Variants in SLC25A40 observed in about 807,000 individuals in gnomAD.
SLC25A40 encodes the protein solute carrier family 25 member 40, also known as mitochondrial glutathione transporter SLC25A40.
In SLC25A40, 41 loss-of-function variants were observed where a neutral mutation model predicts 46.5. That is an observed-to-expected ratio of 0.88 (90% CI 0.69 to 1.14). SLC25A40 has a LOEUF of 1.14. Among genes scored for constraint, SLC25A40 ranks in the 50% most tolerant of loss-of-function variants. The probability of loss-of-function intolerance (pLI) is 0.00; values close to 1 mark genes in which losing one functional copy is unlikely to be tolerated. For synonymous variants in SLC25A40, 126 were observed against 127.5 expected, an observed-to-expected ratio of 0.99 and a Z score of 0.08; for missense variants, 386 against 393.6, an observed-to-expected ratio of 0.98 and a Z score of 0.16.
At chr7:87,857,131 C>CT (rs769868301) in intron 3 of SLC25A40, among the ~76,000 whole-genome samples, 1 of 152,144 alleles carries the variant, frequency 6.6e-6, no homozygotes, top group Non-Finnish European at 1.5e-5. Context: ...AAGAAGCTGA[C>CT]TGTAAGAAAC....
intron 8 of SLC25A40, among the ~76,000 whole-genome samples, chr7:87,844,804 T>TG (rs3214146): frequency 0.1 from 15,832 of 151,524 alleles, 1,100 homozygotes; most frequent in Admixed American, 0.21. Context: ...TGGGGGGCAG[T>TG]GGGGGTATAC....
chr7:87,852,433 G>T (rs1161926672), intron 5 of SLC25A40, among the ~76,000 whole-genome samples: 1 of 152,066 alleles, frequency 6.6e-6, no homozygotes, highest in Non-Finnish European at 1.5e-5. Flanking sequence ...ATAAATCACA[G>T]TGGCACATGC....
At chr7:87,856,626 G>A (rs149549575) in intron 3 of SLC25A40, among the ~76,000 whole-genome samples, 3 of 152,162 alleles carry the variant, frequency 2.0e-5, no homozygotes, top group African/African-American at 7.2e-5. Context: ...ATTAAAGTCA[G>A]TATTTATAAG....
At chr7:87,865,597 C>T (rs976216387) in intron 1 of SLC25A40, among the ~76,000 whole-genome samples, 1 of 152,068 alleles carries the variant, frequency 6.6e-6, no homozygotes, top group Non-Finnish European at 1.5e-5. Context: ...AGGGCGAAAC[C>T]CCAACTCCGT....
chr7:87,852,326 A>G (rs982067300), intron 5 of SLC25A40, among the ~76,000 whole-genome samples: 1 of 152,220 alleles, frequency 6.6e-6, no homozygotes, highest in Non-Finnish European at 1.5e-5. Context: ...TCACGCCGGT[A>G]TCTCAGCACT....
chr7:87,873,898 C>A (rs1838932276), intron 1 of SLC25A40, among the ~76,000 whole-genome samples: 1 of 152,140 alleles, frequency 6.6e-6, no homozygotes, highest in Non-Finnish European at 1.5e-5. Context: ...AGTTTCTCAC[C>A]ATAAATAACC....
At chr7:87,852,455 G>A (rs1838529311) in intron 5 of SLC25A40, among the ~76,000 whole-genome samples, 1 of 152,100 alleles carries the variant, frequency 6.6e-6, no homozygotes, top group Admixed American at 6.6e-5. Flanking sequence ...TATAGTCCCA[G>A]CTATTTGGGA....
chr7:87,849,179 GA>G (rs1323906605), intron 6 of SLC25A40, among the ~76,000 whole-genome samples: 1 of 152,056 alleles, frequency 6.6e-6, no homozygotes, highest in African/African-American at 2.4e-5. Flanking sequence ...TTCTGAACAT[GA>G]AAAAAATTAC....
chr7:87,861,026 T>G (rs1288480575), intron 1 of SLC25A40, among the ~76,000 whole-genome samples: 2 of 152,178 alleles, frequency 1.3e-5, no homozygotes, highest in Non-Finnish European at 2.9e-5. Flanking sequence ...AGGGCGAACC[T>G]TTAATCTGAA....
intron 4 of SLC25A40, 68 bp downstream of exon 4, chr7:87,856,224 C>CAAAA: frequency 9.8e-7 from 1 of 1,022,380 alleles, no homozygotes; most frequent in South Asian, 1.7e-5. Context: ...GAATGTTAGG[C>CAAAA]AAAAAAAAAA....
chr7:87,868,586 T>C (rs1838843574), intron 1 of SLC25A40, among the ~76,000 whole-genome samples: 1 of 152,054 alleles, frequency 6.6e-6, no homozygotes, highest in Non-Finnish European at 1.5e-5. Flanking sequence ...TTTGCTAGAG[T>C]GGTTCACAGA....
chr7:87,867,099 G>T (rs1838814445), intron 1 of SLC25A40, among the ~76,000 whole-genome samples: 1 of 152,140 alleles, frequency 6.6e-6, no homozygotes, highest in Non-Finnish European at 1.5e-5. Flanking sequence ...AATCTTATTT[G>T]GATCAAATCT....
Position 87,856,279 on chromosome 7 carries a change from T to A in SLC25A40, c.157+13A>T, listed in dbSNP as rs780804320. 6.3e-7 allele frequency: 1 copy of A among 1,591,442 alleles called. No individual in the cohort carries two copies. Among genetic ancestry groups the A allele is most frequent in the Non-Finnish European group, 8.6e-7 (1 of 1,165,652 alleles). ...ATCAAACATAACATTTTTAGGGCAA[T>A]TAGTACACATACCTTTGGGGAGTGG... is the stretch of plus-strand genomic sequence containing the variant. On this transcript the variant is annotated intron_variant, in intron 4 of 11. Transcript: ENST00000341119.
At chr7:87,850,002 C>T (rs752965444) in intron 5 of SLC25A40, 54 bp from the exon 6 acceptor site, 243 of 1,149,944 alleles carry the variant, frequency 2.1e-4, no homozygotes, top group Non-Finnish European at 2.6e-4. Context: ...ACCTTTTATA[C>T]AAAAATTTAT....
At chr7:87,838,377 A>G (rs982312383) in intron 10 of SLC25A40, among the ~76,000 whole-genome samples, 1 of 151,544 alleles carries the variant, frequency 6.6e-6, no homozygotes, top group Non-Finnish European at 1.5e-5. Context: ...AATGATAAAA[A>G]GAGTATCAAC....
chr7:87,875,803 G>GC (rs1161445323), intron 1 of SLC25A40, among the ~76,000 whole-genome samples: 3 of 152,226 alleles, frequency 2.0e-5, no homozygotes, highest in African/African-American at 7.2e-5. Context: ...CGGTGGCGCT[G>GC]CCGTCAAGGC....
chr7:87,869,553 CA>C lies in SLC25A40; in HGVS notation c.-94+6542del, dbSNP rs907754065. Among the ~76,000 whole-genome samples the C allele has an allele frequency of 6.0e-5, 9 of 150,508 alleles. No individual in the cohort carries two copies. In the East Asian group the frequency reaches 1.2e-3, roughly 20 times the overall value. On this transcript the variant is annotated intron_variant, in intron 1 of 11. Transcript: ENST00000341119. Reference sequence around the variant, plus strand: ...CCCTGTTCCAAAAAAAAAAAAAATCCAAAAAAAACCTCTCCCCTTTATTCTA... The same window carrying C: ...CCCTGTTCCAAAAAAAAAAAAAATCCAAAAAAACCTCTCCCCTTTATTCTA...
In SLC25A40 at chr7:87,836,278, T is replaced by G. The variant is rs771749379; in HGVS notation, c.988A>C (p.Lys330Gln). The G allele has an allele frequency of 4.4e-6, 7 of 1,585,242 alleles. No homozygotes were observed. Among genetic ancestry groups the G allele is most frequent in the Non-Finnish European group, 6.0e-6 (7 of 1,169,370 alleles). ...TATTGCTGCCTTCGAACATTTTGTT[T>G]CTGGAAAAAAGCCTTTCCAAATTCA... Reference protein sequence around the residue: ...TYEFGKAFFQKQNVRRQQY With the variant: ...TYEFGKAFFQQQNVRRQQY Residue 330 changes from lysine to glutamine, a missense_variant, in exon 12 of 12, where the codon AAA becomes CAA. Coordinates refer to ENST00000341119, the MANE Select transcript of SLC25A40 (RefSeq NM_018843.4).
At chr7:87,848,998 A>G (rs972818012) in intron 6 of SLC25A40, among the ~76,000 whole-genome samples, 4 of 152,238 alleles carry the variant, frequency 2.6e-5, no homozygotes, top group Non-Finnish European at 5.9e-5. Context: ...AGACAGCAAA[A>G]GCCAAGTTAT....
Sources: gnomAD v4.1 joint callset for allele counts (sites outside exome capture counted in the v4.1 genomes callset) on GRCh38, gnomAD v4.1.1 for gene constraint, MANE v1.5 for transcripts, NCBI Gene and HGNC (gene_info 2026-07-23, HGNC 2026-07-21) for gene names.